FKBP5: variants seen among roughly 807,000 people sequenced by gnomAD.
FKBP5 encodes peptidyl-prolyl cis-trans isomerase FKBP5.
In FKBP5, 23 loss-of-function variants were observed where a neutral mutation model predicts 50.5. The observed-to-expected ratio is 0.46, with a 90% CI of 0.33 to 0.65. The LOEUF (loss-of-function observed/expected upper bound fraction) is 0.65, where lower values mean the gene tolerates loss of function less well. Ranked by LOEUF, FKBP5 falls within the 30% of genes least tolerant of loss-of-function variation. FKBP5 has a pLI of 0.02. For synonymous variants in FKBP5, 176 were observed against 190.6 expected, an observed-to-expected ratio of 0.92 and a Z score of 0.63; for missense variants, 411 against 553.1, an observed-to-expected ratio of 0.74 and a Z score of 2.58.
At chr6:35,586,959 G>A in intron 8 of FKBP5, 75 bp downstream of exon 8, 1 of 1,606,268 alleles carries the variant, frequency 6.2e-7, no homozygotes, top group East Asian at 2.2e-5. Flanking sequence ...ATTCAGAGTA[G>A]GGAATATCAG....
chr6:35,713,382 T>C (rs991047098), intron 2 of FKBP5, among the ~76,000 whole-genome samples: 1 of 152,176 alleles, frequency 6.6e-6, no homozygotes, highest in African/African-American at 2.4e-5. Flanking sequence ...TATTAGCTAA[T>C]GTCTACTAGG....
intron 5 of FKBP5, among the ~76,000 whole-genome samples, chr6:35,606,907 AT>A (rs1763338727): frequency 1.3e-5 from 2 of 152,116 alleles, no homozygotes; most frequent in Non-Finnish European, 2.9e-5. Flanking sequence ...GATAGCTGGC[AT>A]TTACACTGAC....
intron 3 of FKBP5, among the ~76,000 whole-genome samples, chr6:35,628,311 T>TTGAATA (rs1294983501): frequency 2.0e-5 from 3 of 152,176 alleles, no homozygotes; most frequent in Admixed American, 6.5e-5. Context: ...ACATTTACAT[T>TTGAATA]TGAATATGAG....
chr6:35,632,696 C>T (rs753249871), intron 3 of FKBP5, among the ~76,000 whole-genome samples: 16 of 151,812 alleles, frequency 1.1e-4, no homozygotes, highest in Non-Finnish European at 2.1e-4. Flanking sequence ...TCAAAACCAG[C>T]CTGGCCAACA....
At chr6:35,618,987 C>A (rs1334839468) in intron 5 of FKBP5, 109 bp downstream of exon 5, 4 of 739,260 alleles carry the variant, frequency 5.4e-6, no homozygotes, top group African/African-American at 1.8e-5. Context: ...TGAGTCACTG[C>A]GCACAGCCGA....
chr6:35,581,408 C>T (rs1324191553), intron 8 of FKBP5: 2 of 32,386 alleles, frequency 6.2e-5, no homozygotes, highest in African/African-American at 4.0e-4. Context: ...GAGTTCGAGA[C>T]CAGCCTGGCC....
At chr6:35,700,398 T>C (rs1766159033) in intron 2 of FKBP5, among the ~76,000 whole-genome samples, 1 of 152,168 alleles carries the variant, frequency 6.6e-6, no homozygotes, top group South Asian at 2.1e-4. Context: ...TATATTCTAT[T>C]AATTAAAGCA....
chr6:35,650,175 C>T (rs1452945850), intron 1 of FKBP5, among the ~76,000 whole-genome samples: 1 of 151,722 alleles, frequency 6.6e-6, no homozygotes, highest in East Asian at 1.9e-4. Flanking sequence ...CAGTGAGACC[C>T]GATCTCTGCT....
chr6:35,700,216 A>G (rs921875643), intron 2 of FKBP5, among the ~76,000 whole-genome samples: 1 of 151,662 alleles, frequency 6.6e-6, no homozygotes, highest in African/African-American at 2.4e-5. Context: ...GCTGGAGTAC[A>G]GTGGTGCAAT....
chr6:35,691,212 A>C (rs2151015856), upstream of FKBP5, among the ~76,000 whole-genome samples: 1 of 152,164 alleles, frequency 6.6e-6, no homozygotes, highest in South Asian at 2.1e-4. Context: ...GCGCCAAGGA[A>C]AGAGGAATCA....
At chr6:35,612,472 T>C (rs1763520068) in intron 5 of FKBP5, among the ~76,000 whole-genome samples, 1 of 152,200 alleles carries the variant, frequency 6.6e-6, no homozygotes, top group Admixed American at 6.5e-5. Context: ...AAACACAATA[T>C]ATAGGGTAGA....
intron 8 of FKBP5, chr6:35,584,569 G>A (rs2150954911): frequency 1.0e-6 from 1 of 985,468 alleles, no homozygotes; most frequent in Non-Finnish European, 1.2e-6. Flanking sequence ...AAGGGAATAT[G>A]TACAGGAAAC....
In FKBP5 at chr6:35,610,447, A is replaced by T. The variant is rs558180056; in HGVS notation, c.508+8649T>A. 4.0e-5 allele frequency among the ~76,000 whole-genome samples: 6 copies of T among 151,356 alleles called. No homozygotes were observed. In the South Asian group the frequency reaches 1.3e-3, roughly 32 times the overall value. ...GCTGGGCGTGGTGGCAGGTGCCTGT[A>T]GTCCCAGCTACTCAGGAGGCTGAGG... On this transcript the variant is annotated intron_variant, in intron 5 of 10. Transcript: ENST00000357266.
intron 1 of FKBP5, among the ~76,000 whole-genome samples, chr6:35,657,247 C>A (rs905450354): frequency 8.5e-5 from 13 of 152,136 alleles, no homozygotes; most frequent in African/African-American, 3.1e-4. Context: ...AAAATTAACA[C>A]AAACTTAGTG....
chr6:35,677,079 G>A (rs1765541158), intron 1 of FKBP5, among the ~76,000 whole-genome samples: 1 of 152,116 alleles, frequency 6.6e-6, no homozygotes, highest in Non-Finnish European at 1.5e-5. Flanking sequence ...GTTTTGTTGT[G>A]TTGTTTTGTT....
intron 1 of FKBP5, among the ~76,000 whole-genome samples, chr6:35,668,826 T>C (rs1035821698): frequency 6.6e-6 from 1 of 152,152 alleles, no homozygotes; most frequent in African/African-American, 2.4e-5. Context: ...CTTAAAGAAT[T>C]AGAATGTTAA....
chr6:35,677,425 T>C (rs898011329), intron 1 of FKBP5, among the ~76,000 whole-genome samples: 5 of 152,232 alleles, frequency 3.3e-5, no homozygotes, highest in African/African-American at 9.6e-5. Context: ...ATATGAGACA[T>C]GGGATAAGAA....
chr6:35,591,100 AT>A, intron 7 of FKBP5, 29 bp downstream of exon 7: 3 of 1,454,514 alleles, frequency 2.1e-6, no homozygotes, highest in Non-Finnish European at 2.9e-6. Flanking sequence ...GAAACCTACC[AT>A]AATTTTAAGG....
upstream of FKBP5, among the ~76,000 whole-genome samples, chr6:35,690,197 G>A (rs575075726): frequency 3.4e-4 from 52 of 152,206 alleles, no homozygotes; most frequent in Non-Finnish European, 6.5e-4. Context: ...CGCCGGGCGC[G>A]GTGGCTTACG....
Sources: allele counts gnomAD v4.1 joint callset (sites outside exome capture counted in the v4.1 genomes callset), GRCh38; gene constraint gnomAD v4.1.1; transcripts MANE v1.5; gene names NCBI Gene and HGNC (gene_info 2026-07-23, HGNC 2026-07-21).